Variants in DCT observed in about 807,000 individuals in gnomAD.
DCT encodes the protein L-dopachrome tautomerase.
DCT carries 47 observed loss-of-function variants against 53.0 expected under a neutral mutation model. The ratio of observed to expected loss-of-function variants is 0.89; its 90% CI spans 0.70 to 1.13. The LOEUF (loss-of-function observed/expected upper bound fraction) is 1.13. DCT is among the 50% of genes most tolerant of loss of function. The pLI, the probability that DCT is intolerant of heterozygous loss-of-function variation, is 0.00. For synonymous variants in DCT, 244 were observed against 237.0 expected, an observed-to-expected ratio of 1.03 and a Z score of -0.27; for missense variants, 669 against 637.4, an observed-to-expected ratio of 1.05 and a Z score of -0.53.
chr13:94,506,456 G>A, the DCT span, among the ~76,000 whole-genome samples: 1 of 151,952 alleles, frequency 6.6e-6, no homozygotes, highest in African/African-American at 2.4e-5. Context: ...GAAACAATGT[G>A]AACAAGAATT....
the DCT span, among the ~76,000 whole-genome samples, chr13:94,489,732 G>A: frequency 6.6e-6 from 1 of 150,458 alleles, no homozygotes. Flanking sequence ...CCTCTCCACT[G>A]AGAAAATTTT....
chr13:94,479,343 T>G lies in DCT; in HGVS notation c.-88A>C, dbSNP rs1050517511. The stretch of plus-strand genomic sequence containing the variant: ...CCTTATCTTCTACTCTTTCAGTCTT[T>G]TCTTTTCAGTATTTTTTATTTTTCT... On this transcript the variant is annotated 5_prime_UTR_variant, in exon 1 of 8. Transcript: ENST00000377028. 13 of 1,185,876 alleles carry G rather than the reference T, an allele frequency of 1.1e-5. No homozygotes were observed. In the African/African-American group the frequency reaches 1.4e-4, roughly 13 times the overall value. 73.5% of individuals were successfully genotyped at this position (1,185,876 alleles called of 1,614,324 possible). A position where few individuals can be genotyped will look rare whatever the true frequency, so the allele number is the denominator to read the frequency against.
chr13:94,519,605 T>C, the DCT span, among the ~76,000 whole-genome samples: 5 of 152,296 alleles, frequency 3.3e-5, no homozygotes, highest in East Asian at 9.6e-4. Context: ...AAGGAAACAT[T>C]GTCAGGAGGT....
chr13:94,521,860 G>T, the DCT span, among the ~76,000 whole-genome samples: 1 of 152,058 alleles, frequency 6.6e-6, no homozygotes, highest in Admixed American at 6.6e-5. Flanking sequence ...TAGAACATTT[G>T]CATTATTATA....
upstream of DCT, among the ~76,000 whole-genome samples, chr13:94,480,051 G>A (rs1313786203): frequency 6.6e-6 from 1 of 152,162 alleles, no homozygotes; most frequent in Non-Finnish European, 1.5e-5. Flanking sequence ...ACAACAGGGG[G>A]TCATGCAACT....
chr13:94,446,910 A>T (rs1187789325), intron 6 of DCT, among the ~76,000 whole-genome samples: 2 of 152,138 alleles, frequency 1.3e-5, no homozygotes, highest in African/African-American at 4.8e-5. Context: ...ACTCTACTCC[A>T]GTATGACATT....
chr13:94,522,439 C>CT, the DCT span, among the ~76,000 whole-genome samples: 4 of 152,152 alleles, frequency 2.6e-5, no homozygotes, highest in Non-Finnish European at 2.9e-5. Context: ...GCTCATCAGC[C>CT]TGCAGATGGC....
At chr13:94,484,924 G>C in the DCT span, among the ~76,000 whole-genome samples, 1 of 152,268 alleles carries the variant, frequency 6.6e-6, no homozygotes, top group African/African-American at 2.4e-5. Context: ...TTTTGCCTCT[G>C]TCCAATGTTG....
chr13:94,469,089 C>A, intron 1 of DCT, 44 bp from the exon 2 acceptor site: 1 of 1,506,932 alleles, frequency 6.6e-7, no homozygotes, highest in South Asian at 1.1e-5. Flanking sequence ...GGGTTTATGT[C>A]GTTTGGAAGA....
chr13:94,487,055 G>A, the DCT span, among the ~76,000 whole-genome samples: 2 of 152,200 alleles, frequency 1.3e-5, no homozygotes, highest in Non-Finnish European at 2.9e-5. Flanking sequence ...AAGCTAAGAA[G>A]ATCTCAAATC....
the DCT span, among the ~76,000 whole-genome samples, chr13:94,532,192 T>G: frequency 6.6e-6 from 1 of 152,072 alleles, no homozygotes; most frequent in African/African-American, 2.4e-5. Context: ...TTGGTGAGAG[T>G]GTAAATTAGT....
chr13:94,479,397 A>G lies in DCT; in HGVS notation c.-142T>C. ...CTTTCTATTCCTTTCTTCTTAAAAA[A>G]ATACCCACAAGAATCACAGAGGTTA... On this transcript the variant is annotated 5_prime_UTR_variant, in exon 1 of 8. Transcript: ENST00000377028. 1 of 800,766 alleles carries G rather than the reference A, an allele frequency of 1.2e-6. No individual in the cohort carries two copies. Among genetic ancestry groups the G allele is most frequent in the Non-Finnish European group, 1.9e-6 (1 of 521,314 alleles). The allele number at this position is 800,766 out of a possible 1,614,324, so 49.6% of individuals were successfully genotyped here. A position where few individuals can be genotyped will look rare whatever the true frequency, so the allele number is the denominator to read the frequency against.
rs769808881 is a variant in DCT, at chr13:94,438,665, T to C, written c.*1233A>G. 4.6e-5 allele frequency: 21 copies of C among 455,856 alleles called. No individual in the cohort carries two copies. The highest frequency in any genetic ancestry group is 8.8e-5 in the Non-Finnish European group (20 of 226,762). 28.2% of individuals were successfully genotyped at this position (455,856 alleles called of 1,614,324 possible). ...CTGGAAATCTCAAGAGCCATTAACT[T>C]CTCTGAAGTGGGGTCCATCATGATA... On this transcript the variant is annotated 3_prime_UTR_variant, in exon 8 of 8. Transcript: ENST00000377028.
chr13:94,537,269 C>T, the DCT span, among the ~76,000 whole-genome samples: 465 of 152,306 alleles, frequency 3.1e-3, 2 homozygotes, highest in African/African-American at 0.011. Context: ...TGAAAGGTTT[C>T]CCAAATCTCA....
intron 6 of DCT, among the ~76,000 whole-genome samples, chr13:94,458,496 G>C (rs773187221): frequency 6.6e-6 from 1 of 152,026 alleles, no homozygotes; most frequent in African/African-American, 2.4e-5. Flanking sequence ...AGTTCACCAG[G>C]GGATGAATAT....
the DCT span, among the ~76,000 whole-genome samples, chr13:94,526,455 C>A: frequency 1.3e-5 from 2 of 152,206 alleles, no homozygotes; most frequent in African/African-American, 2.4e-5. Flanking sequence ...GGCAACACAG[C>A]AAGACCCCTA....
chr13:94,494,172 C>T, the DCT span, among the ~76,000 whole-genome samples: 2 of 152,146 alleles, frequency 1.3e-5, no homozygotes, highest in Admixed American at 6.5e-5. Flanking sequence ...TAGTGCTCCT[C>T]GTCCCCATAC....
chr13:94,547,984 A>AAAAAAAAATATATATAT, the DCT span, among the ~76,000 whole-genome samples: 1 of 65,846 alleles, frequency 1.5e-5, no homozygotes, highest in African/African-American at 1.3e-4. Flanking sequence ...AAAAAAAAAA[A>AAAAAAAAATATATATAT]ATATATATAT....
chr13:94,459,946 T>C (rs1883669528), intron 6 of DCT, 145 bp downstream of exon 6: 3 of 896,160 alleles, frequency 3.3e-6, no homozygotes, highest in Non-Finnish European at 5.2e-6. Context: ...ACCATCCCTA[T>C]GGTATAGATT....
Sources: allele counts gnomAD v4.1 joint callset (sites outside exome capture counted in the v4.1 genomes callset), GRCh38; gene constraint gnomAD v4.1.1; transcripts MANE v1.5; gene names NCBI Gene and HGNC (gene_info 2026-07-23, HGNC 2026-07-21).